The following ABHD2 variants were observed in gnomAD, a reference collection of about 807,000 sequenced individuals.
The protein encoded by ABHD2 is abhydrolase domain containing 2, acylglycerol lipase, also known as monoacylglycerol lipase ABHD2.
A neutral mutation model predicts 48.1 loss-of-function variants in ABHD2; 20 were observed. The ratio of observed to expected loss-of-function variants is 0.42; its 90% CI spans 0.29 to 0.60. The LOEUF (loss-of-function observed/expected upper bound fraction) is 0.60. Ranked by LOEUF, ABHD2 falls within the 20% of genes least tolerant of loss-of-function variation. The probability of loss-of-function intolerance (pLI) is 0.24; values close to 1 mark genes in which losing one functional copy is unlikely to be tolerated. For missense variants in ABHD2, 405 were observed against 550.9 expected (o/e 0.74, Z 2.65); for synonymous variants, 209 against 214.2 (o/e 0.98, Z 0.21).
chr15:89,159,427 C>T (rs946442204), intron 5 of ABHD2, among the ~76,000 whole-genome samples: 2 of 152,072 alleles, frequency 1.3e-5, no homozygotes, highest in Non-Finnish European at 2.9e-5. Context: ...ACACAGCGGG[C>T]CTGGTGAATG....
chr15:89,066,205 G>T, the ABHD2 span, among the ~76,000 whole-genome samples: 1 of 152,126 alleles, frequency 6.6e-6, no homozygotes, highest in Non-Finnish European at 1.5e-5. Flanking sequence ...ACGGAAATTT[G>T]TTCTCTCACA....
chr15:89,149,978 T>G (rs2050565217), intron 3 of ABHD2, among the ~76,000 whole-genome samples: 1 of 152,102 alleles, frequency 6.6e-6, no homozygotes, highest in African/African-American at 2.4e-5. Flanking sequence ...CTGCCAAGAT[T>G]TTGAGGAGGG....
chr15:89,056,199 C>T, the ABHD2 span, among the ~76,000 whole-genome samples: 2 of 152,064 alleles, frequency 1.3e-5, no homozygotes, highest in Admixed American at 6.6e-5. Flanking sequence ...GTGGGAATCC[C>T]TCTACGAATT....
intron 3 of ABHD2, among the ~76,000 whole-genome samples, chr15:89,117,975 C>T (rs796469578): frequency 3.9e-5 from 6 of 152,208 alleles, no homozygotes; most frequent in African/African-American, 1.2e-4. Context: ...GTGGTGGACA[C>T]TATAAATGTC....
In ABHD2 at chr15:89,092,454, A is replaced by AT. The variant is rs1447127502; in HGVS notation, c.-107+3893dup. On this transcript the variant is annotated intron_variant, in intron 1 of 10. Transcript: ENST00000352732. This position sits in a 1 kb window ranked among gnomAD's most constrained non-coding sequence, Gnocchi z 4.4. ...TGCTTAAAAACTATTTTGTTTTAAA[A>AT]TTGTTTTTAATAGAAATTTTAAAAT... 6.6e-6 allele frequency among the ~76,000 whole-genome samples: 1 copy of AT among 152,256 alleles called. No homozygotes were observed. Among genetic ancestry groups the AT allele is most frequent in the Non-Finnish European group, 1.5e-5 (1 of 68,046 alleles).
rs2051409836 is a variant in ABHD2 at position 89,196,742 on chromosome 15, T to C, written c.*1319T>C. 6.6e-6 allele frequency: 1 copy of C among 152,498 alleles called. No homozygotes were observed. The highest frequency in any genetic ancestry group is 6.5e-5 in the Admixed American group (1 of 15,276). The allele number at this position is 152,498 out of a possible 1,614,324, so 9.4% of individuals were successfully genotyped here. On this transcript the variant is annotated 3_prime_UTR_variant, in exon 11 of 11. Transcript: ENST00000352732. ...AAGATATTTCCAACCTAAGTGGGTA[T>C]TATTTTGAAACCAGATTTTTAATTT...
At chr15:89,132,770 T>C (rs1596097377) in intron 3 of ABHD2, among the ~76,000 whole-genome samples, 1 of 152,322 alleles carries the variant, frequency 6.6e-6, no homozygotes, top group South Asian at 2.1e-4. Flanking sequence ...TTTGCTTTAG[T>C]AGGACTTTCT....
At position 89,088,588 on chromosome 15, in the gene ABHD2, C is replaced by T. The variant is rs1901457680; in HGVS notation, c.-107+25C>T. 6.6e-6 allele frequency: 1 copy of T among 152,328 alleles called. No homozygotes were observed. The highest frequency in any genetic ancestry group is 1.5e-5 in the Non-Finnish European group (1 of 68,120). 9.4% of individuals were successfully genotyped at this position (152,328 alleles called of 1,614,324 possible). A position where few individuals can be genotyped will look rare whatever the true frequency, so the allele number is the denominator to read the frequency against. On this transcript the variant is annotated intron_variant, in intron 1 of 10. Coordinates refer to ENST00000352732, the MANE Select transcript of ABHD2 (RefSeq NM_152924.5). The surrounding 1 kb of genome is among the most constrained non-coding windows in gnomAD (Gnocchi z 6.8). ...GGTAAAGCCACGGCCGAGCGAGCTC[C>T]GCGGAGCGGGGATCGCACCCCGGAC...
chr15:89,067,195 G>A, the ABHD2 span, among the ~76,000 whole-genome samples: 27,046 of 151,856 alleles, frequency 0.18, 2,568 homozygotes, highest in Middle Eastern at 0.22. Context: ...GCTAAGGCCC[G>A]GAGCTCTGGA....
In ABHD2 at chr15:89,176,753, G is replaced by A. The variant is rs2051020737; in HGVS notation, c.722+758G>A. 6.6e-6 allele frequency among the ~76,000 whole-genome samples: 1 copy of A among 151,912 alleles called. No individual in the cohort carries two copies. The highest frequency in any genetic ancestry group is 1.5e-5 in the Non-Finnish European group (1 of 68,002). Reference sequence around the variant, plus strand: ...TCATATTTTTTTCTGTACTCTTCATGGTGTCTTTCGTTTTACCAATGAGTA... The same window carrying A: ...TCATATTTTTTTCTGTACTCTTCATAGTGTCTTTCGTTTTACCAATGAGTA... On this transcript the variant is annotated intron_variant, in intron 6 of 10. Coordinates refer to ENST00000352732, the MANE Select transcript of ABHD2 (RefSeq NM_152924.5). This position sits in a 1 kb window ranked among gnomAD's most constrained non-coding sequence, Gnocchi z 4.5.
intron 1 of ABHD2, chr15:89,093,837 T>C (rs1010480466): frequency 1.3e-5 from 2 of 152,244 alleles, no homozygotes; most frequent in Non-Finnish European, 2.9e-5. Context: ...GTATTTGAAC[T>C]TTCTATGGCT....
In ABHD2 at chr15:89,176,021, G is replaced by T. The variant is rs776473741; in HGVS notation, c.722+26G>T. On this transcript the variant is annotated intron_variant, in intron 6 of 10. Coordinates refer to ENST00000352732, the MANE Select transcript of ABHD2 (RefSeq NM_152924.5). This position sits in a 1 kb window ranked among gnomAD's most constrained non-coding sequence, Gnocchi z 4.5. ...GTGAGTCATCTCCGCCTTCCATCAG[G>T]GCCTTCAGTTAGCCCTTATTTATAG... 3 of 1,570,180 alleles carry T rather than the reference G, an allele frequency of 1.9e-6. No individual in the cohort carries two copies. Among genetic ancestry groups the T allele is most frequent in the Non-Finnish European group, 2.6e-6 (3 of 1,157,362 alleles).
Position 89,104,596 on chromosome 15 carries a change from T to C in ABHD2, c.-106-9129T>C, listed in dbSNP as rs1178602758. 1.3e-5 allele frequency among the ~76,000 whole-genome samples: 2 copies of C among 152,182 alleles called. No homozygotes were observed. Among genetic ancestry groups the C allele is most frequent in the Non-Finnish European group, 2.9e-5 (2 of 68,024 alleles). On this transcript the variant is annotated intron_variant, in intron 1 of 10. Transcript: ENST00000352732. This position sits in a 1 kb window ranked among gnomAD's most constrained non-coding sequence, Gnocchi z 4.4. ...GCTCAGGAACGGTGAGTCCCAGTTA[T>C]TTTTATTTTCTCATTAACTGAGAGT...
chr15:89,061,582 T>G, the ABHD2 span, among the ~76,000 whole-genome samples: 1 of 152,112 alleles, frequency 6.6e-6, no homozygotes, highest in Admixed American at 6.6e-5. Context: ...ATCTGTATTT[T>G]TTTTTTCTGA....
chr15:89,171,934 C>T (rs1320603274), intron 5 of ABHD2, among the ~76,000 whole-genome samples: 1 of 152,040 alleles, frequency 6.6e-6, no homozygotes, highest in Non-Finnish European at 1.5e-5. Flanking sequence ...GTTTTAGAAG[C>T]TCCCCAGGTG....
chr15:89,080,626 A>C, the ABHD2 span, among the ~76,000 whole-genome samples: 1 of 152,166 alleles, frequency 6.6e-6, no homozygotes, highest in Admixed American at 6.5e-5. Context: ...GGTGGAGGCT[A>C]ACGGCTGTAT....
At chr15:89,130,002 A>C (rs1451493649) in intron 3 of ABHD2, among the ~76,000 whole-genome samples, 2 of 152,242 alleles carry the variant, frequency 1.3e-5, no homozygotes, top group African/African-American at 4.8e-5. Flanking sequence ...AGTGGGTAAA[A>C]GATGTGCCTA....
At chr15:89,148,813 G>A (rs1347688627) in intron 3 of ABHD2, among the ~76,000 whole-genome samples, 6 of 152,190 alleles carry the variant, frequency 3.9e-5, no homozygotes, top group Non-Finnish European at 8.8e-5. Flanking sequence ...CACATAGATA[G>A]AAAAAGCATA....
chr15:89,048,685 C>T, the ABHD2 span, among the ~76,000 whole-genome samples: 6 of 152,000 alleles, frequency 3.9e-5, no homozygotes, highest in Admixed American at 6.6e-5. Flanking sequence ...TCCAGTTGAT[C>T]GCATCAGCTC....
Sources: gnomAD v4.1 joint callset for allele counts (sites outside exome capture counted in the v4.1 genomes callset) on GRCh38, gnomAD v4.1.1 for gene constraint, Gnocchi (gnomAD v3.1) non-coding constraint, MANE v1.5 for transcripts, NCBI Gene and HGNC (gene_info 2026-07-23, HGNC 2026-07-21) for gene names.